Variants in PRSS55 observed in about 807,000 individuals in gnomAD.
PRSS55 encodes the protein serine protease 55, also known as probable serine protease UNQ9391/PRO34284.
PRSS55 carries 41 observed loss-of-function variants against 23.6 expected under a neutral mutation model. The observed-to-expected ratio is 1.74, with a 90% confidence interval of 1.35 to 2.26. PRSS55 has a LOEUF of 2.26. Among genes scored for constraint, PRSS55 ranks in the 30% most tolerant of loss-of-function variants. The probability of loss-of-function intolerance (pLI) is 0.00; values close to 1 mark genes in which losing one functional copy is unlikely to be tolerated. For synonymous variants in PRSS55, 262 were observed against 175.5 expected (o/e 1.49, Z -3.90); for missense variants, 669 against 439.1 (o/e 1.52, Z -4.68).
At chr8:10,545,690 C>A (rs779059875) in intron 4 of PRSS55, among the ~76,000 whole-genome samples, 1 of 152,154 alleles carries the variant, frequency 6.6e-6, no homozygotes, top group Non-Finnish European at 1.5e-5. Context: ...ATGAAGCTTT[C>A]GGTGTGGCTC....
At chr8:10,547,066 G>C (rs961859835) in intron 4 of PRSS55, among the ~76,000 whole-genome samples, 1 of 152,180 alleles carries the variant, frequency 6.6e-6, no homozygotes, top group African/African-American at 2.4e-5. Flanking sequence ...CAGTGGGCAG[G>C]CTGGAAGACC....
At chr8:10,549,680 G>A (rs1010529224) in intron 4 of PRSS55, among the ~76,000 whole-genome samples, 5 of 152,208 alleles carry the variant, frequency 3.3e-5, no homozygotes, top group Non-Finnish European at 2.9e-5. Flanking sequence ...CCTGACGTCG[G>A]TTCCAACGCT....
At chr8:10,527,668 C>G (rs1812081223) in intron 1 of PRSS55, among the ~76,000 whole-genome samples, 1 of 152,238 alleles carries the variant, frequency 6.6e-6, no homozygotes, top group Admixed American at 6.5e-5. Context: ...AGCACCAGCT[C>G]TGTTGCCAGC....
rs1221596539 is a variant in PRSS55 at position 10,529,621 on chromosome 8, A to G, written c.269A>G (p.Glu90Gly). Reference sequence around the variant, plus strand: ...CAGGTGAGTATTCAGGCAAGAAGTGAACCTTTCTGTGGCGGCTCCATCCTC... The same window carrying G: ...CAGGTGAGTATTCAGGCAAGAAGTGGACCTTTCTGTGGCGGCTCCATCCTC... ...PWQVSIQARS[E>G]PFCGGSILNK... The change falls in exon 2 of 5, where the codon GAA becomes GGA. Residue 90 changes from glutamate (E) to glycine (G), a missense_variant. By Grantham distance (98) the Glu-to-Gly change is moderately conservative. Coordinates refer to ENST00000328655, the MANE Select transcript of PRSS55 (RefSeq NM_198464.4). 2 of 1,614,054 alleles carry G rather than the reference A, an allele frequency of 1.2e-6. No homozygotes were observed. Among genetic ancestry groups the G allele is most frequent in the Non-Finnish European group, 1.7e-6 (2 of 1,180,028 alleles).
intron 1 of PRSS55, among the ~76,000 whole-genome samples, chr8:10,526,780 A>G (rs1305127050): frequency 6.6e-6 from 1 of 152,240 alleles, no homozygotes; most frequent in Non-Finnish European, 1.5e-5. Flanking sequence ...TGGTCGCTTC[A>G]ACATCCATCC....
chr8:10,543,229 C>T (rs1164486119), downstream of PRSS55, among the ~76,000 whole-genome samples: 2 of 152,052 alleles, frequency 1.3e-5, no homozygotes, highest in Admixed American at 6.5e-5. Flanking sequence ...TTGAGATTAG[C>T]AGCTCTCTGT....
At chr8:10,527,023 C>T (rs1812048970) in intron 1 of PRSS55, among the ~76,000 whole-genome samples, 1 of 152,220 alleles carries the variant, frequency 6.6e-6, no homozygotes, top group Admixed American at 6.5e-5. Flanking sequence ...CATAGCTGCC[C>T]ACCATCCAAC....
chr8:10,544,841 T>A (rs1224631632), intron 4 of PRSS55: 4 of 207,500 alleles, frequency 1.9e-5, no homozygotes. Flanking sequence ...TATATTTACA[T>A]CTACATATGT....
rs989630432 is a variant in PRSS55, at chr8:10,525,564, G to A, written c.-22G>A. The A allele has an allele frequency of 6.2e-7, 1 of 1,605,522 alleles. No individual in the cohort carries two copies. The highest frequency in any genetic ancestry group is 8.5e-7 in the Non-Finnish European group (1 of 1,173,978). The stretch of plus-strand genomic sequence containing the variant: ...CAGCCCTGGCCTCTGTCACCCCCGG[G>A]CCCACAGCACAGCCCAGGGCCATGC... On this transcript the variant is annotated 5_prime_UTR_variant, in exon 1 of 5. Transcript: ENST00000328655.
chr8:10,531,507 G>A lies in PRSS55; in HGVS notation c.560G>A (p.Arg187His), dbSNP rs141913017. Residue 187 changes from arginine (R) to histidine (H), a missense_variant, in exon 3 of 5, where the codon CGC (arginine) becomes CAC (histidine). Physicochemically the swap from Arg to His is conservative, Grantham distance 29. Coordinates refer to ENST00000328655, the MANE Select transcript of PRSS55 (RefSeq NM_198464.4). The stretch of plus-strand genomic sequence containing the variant: ...ACGCAGCCCGGCCCTGCCACATGGC[G>A]CGAATGCTGGGTGGCAGGTTGGGGC... ...LPTQPGPATW[R>H]ECWVAGWGQT... 94 of 1,613,750 alleles carry A rather than the reference G, an allele frequency of 5.8e-5. No individual in the cohort carries two copies. The highest frequency in any genetic ancestry group is 2.9e-4 in the African/African-American group (22 of 74,962).
chr8:10,536,126 C>T (rs567469800), intron 4 of PRSS55, among the ~76,000 whole-genome samples: 67 of 152,132 alleles, frequency 4.4e-4, no homozygotes, highest in Non-Finnish European at 8.7e-4. Flanking sequence ...GCGGAGCTTG[C>T]AGTGAGCCCA....
downstream of PRSS55, among the ~76,000 whole-genome samples, chr8:10,543,476 CTCTCTTTTT>C (rs1563547419): frequency 1.5e-3 from 41 of 28,170 alleles, no homozygotes; most frequent in South Asian, 5.4e-3. Flanking sequence ...TTCTTTCTTT[CTCTCTTTTT>C]TTTTTTTTTC....
intron 4 of PRSS55, among the ~76,000 whole-genome samples, chr8:10,551,696 C>G (rs761163157): frequency 6.6e-6 from 1 of 152,232 alleles, no homozygotes; most frequent in East Asian, 1.9e-4. Flanking sequence ...AACCATGTCT[C>G]TCCATCTGCA....
chr8:10,541,972 T>C (rs1457446005), downstream of PRSS55, among the ~76,000 whole-genome samples: 1 of 152,122 alleles, frequency 6.6e-6, no homozygotes, highest in African/African-American at 2.4e-5. Context: ...GATGGGAGTT[T>C]CACTATGTTG....
chr8:10,536,000 C>A (rs893123977), intron 4 of PRSS55, among the ~76,000 whole-genome samples: 1 of 152,176 alleles, frequency 6.6e-6, no homozygotes, highest in African/African-American at 2.4e-5. Flanking sequence ...TCCTGGCTAA[C>A]ACGGTGAAAC....
Position 10,538,704 on chromosome 8 carries a change from G to C in PRSS55, c.970G>C (p.Val324Leu), listed in dbSNP as rs756568647. ...SVKQKPMGSP[V>L]SGVPEPGSPR... is the part of the protein sequence containing the mutation. ...CAAACAGAAACCTATGGGCTCCCCA[G>C]TCTCGGGAGTCCCAGAGCCAGGCAG... Residue 324 changes from valine (V) to leucine (L), a missense_variant, in exon 5 of 5, where the codon GTC (valine) becomes CTC (leucine). Val to Leu is a conservative substitution (Grantham distance 32). Transcript: ENST00000328655. 1 of 1,614,054 alleles carries C rather than the reference G, an allele frequency of 6.2e-7. No individual in the cohort carries two copies. Among genetic ancestry groups the C allele is most frequent in the Non-Finnish European group, 8.5e-7 (1 of 1,179,974 alleles).
intron 4 of PRSS55, among the ~76,000 whole-genome samples, chr8:10,544,029 A>G (rs951741940): frequency 6.6e-6 from 1 of 152,258 alleles, no homozygotes; most frequent in African/African-American, 2.4e-5. Flanking sequence ...ATAGATGTTT[A>G]TTAGGTCTAG....
chr8:10,539,752 C>A (rs1310204314), downstream of PRSS55, among the ~76,000 whole-genome samples: 1 of 152,218 alleles, frequency 6.6e-6, no homozygotes, highest in Non-Finnish European at 1.5e-5. Context: ...TTGCCTTCCA[C>A]CATGATTGTG....
At chr8:10,541,772 T>C (rs963099752), downstream of PRSS55, among the ~76,000 whole-genome samples, 9 of 152,182 alleles carry the variant, frequency 5.9e-5, no homozygotes, top group Non-Finnish European at 1.0e-4. Flanking sequence ...CACTTTTCTT[T>C]TTTTGAGACA....
Sources: allele counts gnomAD v4.1 joint callset (sites outside exome capture counted in the v4.1 genomes callset), GRCh38; gene constraint gnomAD v4.1.1; transcripts MANE v1.5; gene names NCBI Gene and HGNC (gene_info 2026-07-23, HGNC 2026-07-21).